Variants in SH3BP1 observed in about 807,000 individuals in gnomAD.
SH3BP1 encodes the protein SH3 domain binding protein 1.
SH3BP1 carries 46 observed loss-of-function variants against 69.8 expected under a neutral mutation model. The ratio of observed to expected loss-of-function variants is 0.66; its 90% CI spans 0.52 to 0.84. SH3BP1 has a LOEUF of 0.84. SH3BP1 is among the 40% of genes least tolerant of loss of function. The pLI, the probability that SH3BP1 is intolerant of heterozygous loss-of-function variation, is 0.00. For synonymous variants in SH3BP1, 403 were observed against 378.0 expected (o/e 1.07, Z -0.77); for missense variants, 868 against 930.9 (o/e 0.93, Z 0.88).
At chr22:37,640,325 C>G (rs1007430278) in intron 1 of SH3BP1, 3 of 153,346 alleles carry the variant, frequency 2.0e-5, no homozygotes, top group African/African-American at 7.3e-5. Flanking sequence ...CTGCAGCGTC[C>G]CTCCCCCTCC....
At chr22:37,640,463 G>T (rs1437180778) in intron 1 of SH3BP1, 1 of 152,530 alleles carries the variant, frequency 6.6e-6, no homozygotes, top group Admixed American at 6.5e-5. Context: ...GAGGCCGGAA[G>T]TTTGGGGAGC....
chr22:37,655,388 G>T lies in SH3BP1; in HGVS notation c.1810G>T (p.Ala604Ser). Residue 604 changes from alanine (A) to serine (S), a missense_variant, in exon 18 of 18, where the codon GCC (alanine) becomes TCC (serine). Around this residue, in one of 3 missense-constraint regions of SH3BP1, gnomAD observed 474 missense variants for 462.3 expected, o/e 1.03. Coordinates refer to ENST00000649765, the MANE Select transcript of SH3BP1 (RefSeq NM_018957.6). ...CTCTGGCAGCCCTGGGACCCCCCAA[G>T]CCCTGCCCCGACGTCTGGTTGGCAG... The part of the protein sequence containing the change: ...PGSGSPGTPQ[A>S]LPRRLVGSSL... The T allele has an allele frequency of 8.4e-7, 1 of 1,196,608 alleles. No homozygotes were observed. The highest frequency in any genetic ancestry group is 1.1e-6 in the Non-Finnish European group (1 of 938,894). 74.1% of individuals were successfully genotyped at this position (1,196,608 alleles called of 1,614,324 possible).
Position 37,647,476 on chromosome 22 carries a change from A to G in SH3BP1, c.1154A>G (p.Gln385Arg). The G allele has an allele frequency of 6.2e-7, 1 of 1,609,026 alleles. No homozygotes were observed. Among genetic ancestry groups the G allele is most frequent in the Non-Finnish European group, 8.5e-7 (1 of 1,179,516 alleles). ...KEPGARLQAL[Q>R]EVCSRLPPEN... ...CCAGGGGCCCGGCTGCAGGCCCTCC[A>G]AGAGGTGTGCAGCCGCCTACCCCCC... Residue 385 changes from glutamine (Q) to arginine (R), a missense_variant, in exon 13 of 18, where the codon CAA becomes CGA. Gln to Arg is a conservative substitution (Grantham distance 43). Transcript: ENST00000649765.
At chr22:37,642,340 C>T in intron 3 of SH3BP1, 199 bp from the exon 4 acceptor site, 1 of 582,262 alleles carries the variant, frequency 1.7e-6, no homozygotes, top group Non-Finnish European at 3.1e-6. Context: ...GAGGAAAGGG[C>T]ACGCCAGATG....
intron 16 of SH3BP1, among the ~76,000 whole-genome samples, chr22:37,653,497 C>G (rs1932928451): frequency 6.6e-6 from 1 of 152,216 alleles, no homozygotes; most frequent in Non-Finnish European, 1.5e-5. Flanking sequence ...TGTCCCACCT[C>G]CCATCCTGGC....
intron 10 of SH3BP1, among the ~76,000 whole-genome samples, chr22:37,646,262 C>CCCTCCCTTCCA (rs1932784414): frequency 6.8e-6 from 1 of 146,204 alleles, no homozygotes; most frequent in African/African-American, 2.5e-5. Flanking sequence ...TGCGCCCGAC[C>CCCTCCCTTCCA]CTTTTTTTTT....
intron 16 of SH3BP1, among the ~76,000 whole-genome samples, chr22:37,651,865 G>C (rs376723312): frequency 6.6e-6 from 1 of 151,876 alleles, no homozygotes; most frequent in African/African-American, 2.4e-5. Context: ...GCTAAGGGAG[G>C]GGGAGCAGGT....
chr22:37,644,493 C>G (rs1292713436), intron 7 of SH3BP1, 144 bp from the exon 8 acceptor site: 19 of 814,256 alleles, frequency 2.3e-5, no homozygotes, highest in African/African-American at 3.4e-5. Flanking sequence ...CAAGCACCAA[C>G]CTTGGCAGAG....
In SH3BP1 at chr22:37,655,878, C is replaced by T. The variant is rs1454617492; in HGVS notation, c.*194C>T. ...TCTATTTCCTGACCTTTTCCTCGTC[C>T]ACCCTGGGCTTGGGGACCCCCCCAC... On this transcript the variant is annotated 3_prime_UTR_variant, in exon 18 of 18. Transcript: ENST00000649765. 2 of 1,545,076 alleles carry T rather than the reference C, an allele frequency of 1.3e-6. No individual in the cohort carries two copies. The highest frequency in any genetic ancestry group is 1.4e-5 in the African/African-American group (1 of 73,442).
rs1932513558 is a variant in SH3BP1 at position 37,639,800 on chromosome 22, C to A, written c.13C>A (p.Gln5Lys). The change falls in exon 1 of 18, where the codon CAG becomes AAG. Residue 5 changes from glutamine (Q) to lysine (K), a missense_variant. Gln to Lys is a moderately conservative substitution (Grantham distance 53). This residue lies in a region of SH3BP1 where 387 missense variants were observed against 447.9 expected (regional missense o/e 0.86). Transcript: ENST00000649765. ...GCTCGCCCCCAAGATGATGAAGAGG[C>A]AGCTGCACCGCATGCGGCAGCTGGC... Reference protein sequence around the residue: MMKRQLHRMRQLAQT... With the variant: MMKRKLHRMRQLAQT... 6.4e-7 allele frequency: 1 copy of A among 1,564,422 alleles called. No homozygotes were observed. Among genetic ancestry groups the A allele is most frequent in the East Asian group, 2.5e-5 (1 of 39,922 alleles).
chr22:37,642,563 T>C lies in SH3BP1; in HGVS notation c.232T>C (p.Ser78Pro), dbSNP rs759680403. The change falls in exon 4 of 18, where the codon TCC becomes CCC. Residue 78 changes from serine to proline, a missense_variant. Ser to Pro is a moderately conservative substitution (Grantham distance 74). Around this residue, in one of 3 missense-constraint regions of SH3BP1, gnomAD observed 387 missense variants for 447.9 expected, o/e 0.86. Coordinates refer to ENST00000649765, the MANE Select transcript of SH3BP1 (RefSeq NM_018957.6). ...GAAGAAGCTTCCCCTCATGGCTCTG[T>C]CCACCACGATGGCTGAGAGCTTCAA... ...RVKKLPLMAL[S>P]TTMAESFKEL... The C allele has an allele frequency of 1.9e-6, 3 of 1,613,314 alleles. No individual in the cohort carries two copies. In the Admixed American group the frequency reaches 5.0e-5, roughly 27 times the overall value.
chr22:37,647,320 C>A lies in SH3BP1; in HGVS notation c.1090C>A (p.Leu364Ile), dbSNP rs1169397933. 6.2e-7 allele frequency: 1 copy of A among 1,614,084 alleles called. No homozygotes were observed. The highest frequency in any genetic ancestry group is 8.5e-7 in the Non-Finnish European group (1 of 1,179,988). The part of the protein sequence containing the change: ...ELPEPLMTFD[L>I]YDDWMRAASL... ...GCCAGAGCCTCTGATGACCTTCGAC[C>A]TCTATGATGACTGGATGAGGGCAGC... The change falls in exon 12 of 18, where the codon CTC becomes ATC. Residue 364 changes from leucine (L) to isoleucine (I), a missense_variant. Leu to Ile is a conservative substitution (Grantham distance 5). Around this residue, in one of 3 missense-constraint regions of SH3BP1, gnomAD observed 474 missense variants for 462.3 expected, o/e 1.03. Transcript: ENST00000649765.
chr22:37,655,396 C>T lies in SH3BP1; in HGVS notation c.1818C>T (p.Pro606=). 1 of 1,464,162 alleles carries T rather than the reference C, an allele frequency of 6.8e-7. No individual in the cohort carries two copies. Among genetic ancestry groups the T allele is most frequent in the South Asian group, 1.2e-5 (1 of 80,220 alleles). The allele number at this position is 1,464,162 out of a possible 1,614,324, so 90.7% of individuals were successfully genotyped here. ...SGSPGTPQAL[P]RRLVGSSLRA... ...GCCCTGGGACCCCCCAAGCCCTGCC[C>T]CGACGTCTGGTTGGCAGCAGCCTCC... Residue 606 remains proline, a synonymous_variant, in exon 18 of 18, where the codon CCC becomes CCT. Coordinates refer to ENST00000649765, the MANE Select transcript of SH3BP1 (RefSeq NM_018957.6).
rs1317961131 is a variant in SH3BP1, at chr22:37,642,992, A to G, written c.382A>G (p.Ser128Gly). Reference sequence around the variant, plus strand: ...GGAGAGGGACGTCCTGCAGCCACTCAGCAGGCTGAGTGAGGTGAGCCTGTG... The same window carrying G: ...GGAGAGGGACGTCCTGCAGCCACTCGGCAGGCTGAGTGAGGTGAGCCTGTG... ...TLERDVLQPL[S>G]RLSEEELPAI... The change falls in exon 5 of 18, where the codon AGC becomes GGC. Residue 128 changes from serine to glycine, a missense_variant. Transcript: ENST00000649765. 9 of 1,612,848 alleles carry G rather than the reference A, an allele frequency of 5.6e-6. No individual in the cohort carries two copies. The highest frequency in any genetic ancestry group is 1.7e-6 in the Non-Finnish European group (2 of 1,179,824).
chr22:37,644,917 G>A lies in SH3BP1; in HGVS notation c.735G>A (p.Leu245=). 6.2e-7 allele frequency: 1 copy of A among 1,614,026 alleles called. No homozygotes were observed. The highest frequency in any genetic ancestry group is 8.5e-7 in the Non-Finnish European group (1 of 1,180,040). Residue 245 remains leucine (L), a synonymous_variant, in exon 9 of 18, where the codon CTG becomes CTA. Coordinates refer to ENST00000649765, the MANE Select transcript of SH3BP1 (RefSeq NM_018957.6). The part of the protein sequence containing the change: ...ADYHRRSLSS[L]DTALAELREN... ...ACCATCGCAGGTCACTGAGCTCGCT[G>A]GACACAGCCCTGGCTGAGCTGAGGG...
At chr22:37,654,943 C>G (rs563366869) in intron 17 of SH3BP1, among the ~76,000 whole-genome samples, 1 of 150,606 alleles carries the variant, frequency 6.6e-6, no homozygotes, top group Admixed American at 6.6e-5. Flanking sequence ...GACCCTGTCT[C>G]AAAATTTAAG....
intron 14 of SH3BP1, chr22:37,649,842 A>G (rs780292963): frequency 2.5e-5 from 12 of 481,626 alleles, no homozygotes; most frequent in African/African-American, 7.8e-5. Flanking sequence ...GTGAGGAGTC[A>G]TCATTATTTA....
At chr22:37,653,489 T>C (rs1932928226) in intron 16 of SH3BP1, among the ~76,000 whole-genome samples, 1 of 152,054 alleles carries the variant, frequency 6.6e-6, no homozygotes. Flanking sequence ...AGGCCCTATG[T>C]CCCACCTCCC....
chr22:37,644,368 G>A (rs545158117), intron 7 of SH3BP1, among the ~76,000 whole-genome samples: 1 of 152,352 alleles, frequency 6.6e-6, no homozygotes, highest in South Asian at 2.1e-4. Context: ...AACAGTGTGA[G>A]ACTCCGTCTC....
Sources: allele counts gnomAD v4.1 joint callset (sites outside exome capture counted in the v4.1 genomes callset), GRCh38; gene constraint gnomAD v4.1.1; regional missense constraint gnomAD v4.1.1; transcripts MANE v1.5; gene names NCBI Gene and HGNC (gene_info 2026-07-23, HGNC 2026-07-21).